The following ARHGAP39 variants were observed in gnomAD, a reference collection of about 807,000 sequenced individuals.
The protein encoded by ARHGAP39 is Rho GTPase activating protein 39, also known as rho GTPase-activating protein 39.
ARHGAP39 carries 44 observed loss-of-function variants against 106.9 expected under a neutral mutation model. The ratio of observed to expected loss-of-function variants is 0.41; its 90% confidence interval spans 0.32 to 0.53. The LOEUF (loss-of-function observed/expected upper bound fraction) is 0.53, where lower values mean the gene tolerates loss of function less well. Ranked by LOEUF, ARHGAP39 falls within the 20% of genes least tolerant of loss-of-function variation. ARHGAP39 has a pLI of 0.21. For missense variants in ARHGAP39, 1,496 were observed against 1,577.3 expected, an observed-to-expected ratio of 0.95 and a Z score of 0.87; for synonymous variants, 768 against 693.2, an observed-to-expected ratio of 1.11 and a Z score of -1.69.
rs759287973 is a variant in ARHGAP39 at position 144,548,121 on chromosome 8, G to T, written c.965C>A (p.Ala322Asp). ...LYEEPPVEYQAPIYDEPPMDV... is the reference protein window; with the variant it reads ...LYEEPPVEYQDPIYDEPPMDV... Reference sequence around the variant, plus strand: ...CATGGGGGGCTCATCGTAGATGGGGGCCTGGTACTCCACTGGGGGCTCCTC... The same window carrying T: ...CATGGGGGGCTCATCGTAGATGGGGTCCTGGTACTCCACTGGGGGCTCCTC... The change falls in exon 5 of 12, where the codon GCC becomes GAC. Residue 322 changes from alanine (A) to aspartate (D), a missense_variant. Physicochemically the swap from Ala to Asp is moderately radical, Grantham distance 126 (BLOSUM62 -2). Around this residue, in one of 4 missense-constraint regions of ARHGAP39, gnomAD observed 905 missense variants for 816.4 expected, o/e 1.11. Coordinates refer to ENST00000377307, the MANE Select transcript of ARHGAP39 (RefSeq NM_025251.3). This position sits in a 1 kb window ranked among gnomAD's most constrained non-coding sequence, Gnocchi z 7.4. 31 of 1,581,388 alleles carry T rather than the reference G, an allele frequency of 2.0e-5. No individual in the cohort carries two copies. Among genetic ancestry groups the T allele is most frequent in the Admixed American group, 1.9e-4 (11 of 57,118 alleles).
the ARHGAP39 span, among the ~76,000 whole-genome samples, chr8:144,697,834 G>A: frequency 7.9e-5 from 12 of 152,224 alleles, no homozygotes; most frequent in East Asian, 1.9e-3. Flanking sequence ...AATTGCAATG[G>A]TATGTAGGTA....
chr8:144,562,531 C>A (rs1818230651), intron 3 of ARHGAP39, among the ~76,000 whole-genome samples: 1 of 149,996 alleles, frequency 6.7e-6, no homozygotes, highest in Non-Finnish European at 1.5e-5. Flanking sequence ...TTCCATCGGA[C>A]TCCAGTGGTT....
intron 6 of ARHGAP39, among the ~76,000 whole-genome samples, chr8:144,540,692 C>G (rs1010586724): frequency 1.3e-5 from 2 of 151,830 alleles, no homozygotes; most frequent in Admixed American, 1.3e-4. Context: ...CCCAGCTACT[C>G]GGGAGGCTGA....
intron 3 of ARHGAP39, among the ~76,000 whole-genome samples, chr8:144,563,348 G>C (rs73716226): frequency 0.032 from 4,798 of 152,286 alleles, 255 homozygotes; most frequent in African/African-American, 0.11. Flanking sequence ...AGAAATCAAT[G>C]ATAAATATTC....
intron 7 of ARHGAP39, among the ~76,000 whole-genome samples, 163 bp downstream of exon 7, chr8:144,537,558 A>G (rs1817009391): frequency 6.6e-6 from 1 of 152,276 alleles, no homozygotes; most frequent in African/African-American, 2.4e-5. Flanking sequence ...GGGTCCAGTC[A>G]GTCACCTGGG....
At chr8:144,694,147 G>C in the ARHGAP39 span, among the ~76,000 whole-genome samples, 3 of 152,188 alleles carry the variant, frequency 2.0e-5, no homozygotes, top group African/African-American at 7.2e-5. Flanking sequence ...GGATGGGTGG[G>C]GTGATGGGAC....
chr8:144,580,908 C>G lies in ARHGAP39; in HGVS notation c.450G>C (p.Gln150His). The change falls in exon 3 of 12, where the codon CAG (glutamine) becomes CAC (histidine). Residue 150 changes from glutamine (Q) to histidine (H), a missense_variant. Physicochemically the swap from Gln to His is conservative, Grantham distance 24. Around this residue, in one of 4 missense-constraint regions of ARHGAP39, gnomAD observed 905 missense variants for 816.4 expected, o/e 1.11. Transcript: ENST00000377307. ...GCCGCCCGGCCCTCGCTGGCAACTC[C>G]TGCGCTTTCTCAGTGTCGGGCTCGG... is the stretch of plus-strand genomic sequence containing the variant. ...LEPEPDTEKA[Q>H]ELPARAGRPA... 6.2e-7 allele frequency: 1 copy of G among 1,604,248 alleles called. No individual in the cohort carries two copies. The highest frequency in any genetic ancestry group is 8.5e-7 in the Non-Finnish European group (1 of 1,178,186).
intron 2 of ARHGAP39, among the ~76,000 whole-genome samples, chr8:144,588,677 C>T (rs534178697): frequency 2.4e-4 from 37 of 152,364 alleles, no homozygotes; most frequent in South Asian, 2.3e-3. Flanking sequence ...GGCCTGTCTC[C>T]GTCAAACCCA....
rs1157258219 is a variant in ARHGAP39, at chr8:144,685,762, C to G, written c.-158G>C. ...CGACGCGCGTGAGCCAGCCGCCGCT[C>G]CCCGGCCTCTCTGCTGCTCCGCCGC... is the stretch of plus-strand genomic sequence containing the variant. On this transcript the variant is annotated 5_prime_UTR_variant, in exon 1 of 12. Transcript: ENST00000377307. Among the ~76,000 whole-genome samples the G allele has an allele frequency of 6.8e-6, 1 of 147,856 alleles. No homozygotes were observed. The highest frequency in any genetic ancestry group is 1.5e-5 in the Non-Finnish European group (1 of 66,350).
chr8:144,616,148 G>T (rs970514906), intron 1 of ARHGAP39, among the ~76,000 whole-genome samples: 4 of 152,240 alleles, frequency 2.6e-5, no homozygotes, highest in African/African-American at 9.6e-5. Context: ...TTGGCCCTGG[G>T]GCTGGCATTA....
intron 3 of ARHGAP39, among the ~76,000 whole-genome samples, chr8:144,557,063 A>C (rs1244994647): frequency 1.4e-5 from 2 of 141,828 alleles, no homozygotes; most frequent in Admixed American, 1.4e-4. Context: ...CAGCGGCAAA[A>C]GCCTGAACCT....
chr8:144,678,723 G>T (rs1031454643), intron 1 of ARHGAP39, among the ~76,000 whole-genome samples: 1 of 152,186 alleles, frequency 6.6e-6, no homozygotes, highest in Non-Finnish European at 1.5e-5. Flanking sequence ...CAAATCCTTG[G>T]CCATCCCCTC....
chr8:144,596,381 C>T (rs1003820626), intron 2 of ARHGAP39, among the ~76,000 whole-genome samples: 2 of 152,204 alleles, frequency 1.3e-5, no homozygotes, highest in Admixed American at 1.3e-4. Context: ...GAGGGGACGG[C>T]TGAGGCCTCG....
At chr8:144,549,420 G>C (rs1487942233) in intron 4 of ARHGAP39, among the ~76,000 whole-genome samples, 1 of 152,238 alleles carries the variant, frequency 6.6e-6, no homozygotes, top group East Asian at 1.9e-4. Context: ...ATTTCCAAAT[G>C]TTACTTTTAC....
intron 1 of ARHGAP39, among the ~76,000 whole-genome samples, chr8:144,668,955 G>A (rs1006253637): frequency 1.3e-5 from 2 of 152,056 alleles, no homozygotes; most frequent in Non-Finnish European, 2.9e-5. Context: ...CGTGGCACGG[G>A]CATGAGGACA....
At chr8:144,542,325 C>T (rs1351520070) in intron 6 of ARHGAP39, among the ~76,000 whole-genome samples, 1 of 152,184 alleles carries the variant, frequency 6.6e-6, no homozygotes, top group Admixed American at 6.5e-5. Flanking sequence ...GGCATCACCT[C>T]GTGGGGCCTC....
rs765872265 is a variant in ARHGAP39 at position 144,581,290 on chromosome 8, A to C, written c.81-13T>G. The stretch of plus-strand genomic sequence containing the variant: ...CACCCACTCCAACCTGGGGAGAGAC[A>C]GGGTTAAGGCGGCTGGAGCCACGGC... On this transcript the variant is annotated splice_polypyrimidine_tract_variant and intron_variant, in intron 2 of 11. Coordinates refer to ENST00000377307, the MANE Select transcript of ARHGAP39 (RefSeq NM_025251.3). 1.3e-6 allele frequency: 2 copies of C among 1,527,424 alleles called. No individual in the cohort carries two copies. The highest frequency in any genetic ancestry group is 1.8e-6 in the Non-Finnish European group (2 of 1,132,808). The allele number at this position is 1,527,424 out of a possible 1,614,324, so 94.6% of individuals were successfully genotyped here.
intron 1 of ARHGAP39, among the ~76,000 whole-genome samples, chr8:144,638,703 C>A (rs555178193): frequency 2.0e-5 from 3 of 152,268 alleles, no homozygotes; most frequent in Admixed American, 6.5e-5. Flanking sequence ...TCTTCATGTT[C>A]TTTTTCACTT....
At chr8:144,637,828 T>C (rs112899891) in intron 1 of ARHGAP39, among the ~76,000 whole-genome samples, 13,970 of 151,542 alleles carry the variant, frequency 0.092, 1,684 homozygotes, top group African/African-American at 0.26. Flanking sequence ...GCTGGGACCA[T>C]AGGTGTGTGC....
Sources: allele counts gnomAD v4.1 joint callset (sites outside exome capture counted in the v4.1 genomes callset), GRCh38; gene constraint gnomAD v4.1.1; regional missense constraint gnomAD v4.1.1; non-coding constraint Gnocchi (gnomAD v3.1); transcripts MANE v1.5; gene names NCBI Gene and HGNC (gene_info 2026-07-23, HGNC 2026-07-21).